Variants in GPC5 observed in about 807,000 individuals in gnomAD.
The protein encoded by GPC5 is glypican-5.
A neutral mutation model predicts 53.9 loss-of-function variants in GPC5; 47 were observed. The observed-to-expected ratio is 0.87, with a 90% CI of 0.69 to 1.11. The LOEUF is 1.11. Ranked by LOEUF, GPC5 falls within the 50% of genes most tolerant of loss-of-function variation. The pLI, the probability that GPC5 is intolerant of heterozygous loss-of-function variation, is 0.00. For synonymous variants in GPC5, 286 were observed against 263.3 expected (o/e 1.09, Z -0.84); for missense variants, 748 against 713.1 (o/e 1.05, Z -0.56).
intron 2 of GPC5, among the ~76,000 whole-genome samples, chr13:91,686,072 T>A (rs527241687): frequency 6.8e-4 from 104 of 152,180 alleles, no homozygotes; most frequent in East Asian, 1.3e-3. Flanking sequence ...GTTTCTGAGT[T>A]TAAAGATTAT....
intron 7 of GPC5, among the ~76,000 whole-genome samples, chr13:92,310,011 T>G (rs901691997): frequency 6.6e-6 from 1 of 152,144 alleles, no homozygotes; most frequent in Admixed American, 6.6e-5. Flanking sequence ...TATTTGCCTG[T>G]CTGAATCTGG....
chr13:91,963,299 G>A (rs2040143881), intron 6 of GPC5, among the ~76,000 whole-genome samples: 1 of 152,116 alleles, frequency 6.6e-6, no homozygotes, highest in Non-Finnish European at 1.5e-5. Flanking sequence ...ACAAAGTTTA[G>A]GTAAGTATAT....
At chr13:92,794,980 A>G (rs1033282543) in intron 7 of GPC5, among the ~76,000 whole-genome samples, 3 of 152,140 alleles carry the variant, frequency 2.0e-5, no homozygotes, top group African/African-American at 7.2e-5. Flanking sequence ...TACAGATTCA[A>G]TGCCGTTCCC....
intron 7 of GPC5, among the ~76,000 whole-genome samples, chr13:92,752,465 T>G (rs1052263003): frequency 6.6e-6 from 1 of 152,030 alleles, no homozygotes; most frequent in African/African-American, 2.4e-5. Flanking sequence ...GCTAAGAATA[T>G]TTTCTGGATG....
intron 6 of GPC5, among the ~76,000 whole-genome samples, chr13:92,051,887 T>G (rs1248292039): frequency 6.6e-6 from 1 of 152,190 alleles, no homozygotes; most frequent in Non-Finnish European, 1.5e-5. Context: ...GACTCTTTTT[T>G]TAGAGAGCTG....
chr13:91,786,063 C>T (rs2037873568), intron 5 of GPC5, among the ~76,000 whole-genome samples: 1 of 152,156 alleles, frequency 6.6e-6, no homozygotes, highest in African/African-American at 2.4e-5. Flanking sequence ...GTGGCACGAT[C>T]TCAGCTCACC....
intron 6 of GPC5, among the ~76,000 whole-genome samples, chr13:92,121,099 T>A (rs539002663): frequency 6.6e-6 from 1 of 152,328 alleles, no homozygotes; most frequent in South Asian, 2.1e-4. Flanking sequence ...AAACTGGTAT[T>A]TTTTTCTTTT....
chr13:92,139,666 C>CAA (rs5805729), intron 6 of GPC5, among the ~76,000 whole-genome samples: 29,897 of 93,860 alleles, frequency 0.32, 5,860 homozygotes, highest in East Asian at 0.64. Context: ...GATTCCGTCT[C>CAA]AAAAAAAAAA....
intron 1 of GPC5, among the ~76,000 whole-genome samples, chr13:91,439,820 G>T (rs1880284759): frequency 6.6e-6 from 1 of 152,024 alleles, no homozygotes; most frequent in African/African-American, 2.4e-5. Context: ...ACTCTCATTT[G>T]CAATACAGAA....
chr13:92,581,025 C>T (rs1238419076), intron 7 of GPC5, among the ~76,000 whole-genome samples: 1 of 152,056 alleles, frequency 6.6e-6, no homozygotes, highest in Admixed American at 6.6e-5. Flanking sequence ...ATGATTAAAT[C>T]AAACCATATA....
chr13:91,471,223 A>G (rs1882603387), intron 2 of GPC5, among the ~76,000 whole-genome samples: 1 of 152,118 alleles, frequency 6.6e-6, no homozygotes, highest in Non-Finnish European at 1.5e-5. Context: ...GCTTTTACAT[A>G]AAACATTCCT....
At chr13:92,346,277 C>T (rs774939580) in intron 7 of GPC5, among the ~76,000 whole-genome samples, 4 of 152,138 alleles carry the variant, frequency 2.6e-5, no homozygotes, top group Non-Finnish European at 4.4e-5. Context: ...AGCCCTTAGC[C>T]CTGCTCAACT....
chr13:92,536,111 A>G (rs772650395), intron 7 of GPC5, among the ~76,000 whole-genome samples: 8 of 152,114 alleles, frequency 5.3e-5, no homozygotes, highest in Admixed American at 2.0e-4. Context: ...TTACTAAGTA[A>G]TGTTCAAGGT....
At chr13:92,643,900 T>C (rs1885677620) in intron 7 of GPC5, among the ~76,000 whole-genome samples, 1 of 150,984 alleles carries the variant, frequency 6.6e-6, no homozygotes, top group Non-Finnish European at 1.5e-5. Flanking sequence ...CACACACACA[T>C]AGCATATGTA....
At position 92,032,603 on chromosome 13, in the gene GPC5, C is replaced by G. The variant is rs201701071; in HGVS notation, c.1402-112227C>G. Among the ~76,000 whole-genome samples the G allele has an allele frequency of 8.5e-5, 13 of 152,212 alleles. No individual in the cohort carries two copies. In the East Asian group the frequency reaches 2.3e-3, roughly 27 times the overall value. On this transcript the variant is annotated intron_variant, in intron 6 of 7. Transcript: ENST00000377067. ...AACGTGGTCTCACCCTGTCCCTGATCCAGCATTAAGATCTGCTTATCACCT... is the reference window on the plus strand; with the variant it reads ...AACGTGGTCTCACCCTGTCCCTGATGCAGCATTAAGATCTGCTTATCACCT...
chr13:92,390,139 T>C lies in GPC5; in HGVS notation c.1561+245150T>C, dbSNP rs12869734. Among the ~76,000 whole-genome samples, 1,432 of 152,300 alleles carry C rather than the reference T, an allele frequency of 9.4e-3. 24 individuals are homozygous for C. The highest frequency in any genetic ancestry group is 0.051 in the Middle Eastern group (15 of 294). ...TAATTTACAGTGCAAACCACAAGTC[T>C]AATGTAATAGTTTGTCCTGAAGGCA... On this transcript the variant is annotated intron_variant, in intron 7 of 7. Transcript: ENST00000377067.
chr13:91,433,970 C>A (rs1879703023), intron 1 of GPC5, among the ~76,000 whole-genome samples: 2 of 152,290 alleles, frequency 1.3e-5, no homozygotes, highest in Admixed American at 6.5e-5. Context: ...AGCATTTTTT[C>A]ACGTGTCTTT....
intron 6 of GPC5, among the ~76,000 whole-genome samples, chr13:92,056,447 T>A (rs895920534): frequency 5.3e-5 from 8 of 152,196 alleles, no homozygotes; most frequent in Admixed American, 5.2e-4. Flanking sequence ...TTTTGGAGAT[T>A]TGAATGTGAA....
At chr13:91,980,502 A>T (rs2040347102) in intron 6 of GPC5, among the ~76,000 whole-genome samples, 1 of 152,128 alleles carries the variant, frequency 6.6e-6, no homozygotes, top group Non-Finnish European at 1.5e-5. Context: ...CTTCCAGTCA[A>T]TACTTCCCAT....
Sources: allele counts gnomAD v4.1 joint callset (sites outside exome capture counted in the v4.1 genomes callset), GRCh38; gene constraint gnomAD v4.1.1; transcripts MANE v1.5; gene names NCBI Gene and HGNC (gene_info 2026-07-23, HGNC 2026-07-21).